Variants in CDH13 observed in about 807,000 individuals in gnomAD.
The protein encoded by CDH13 is cadherin 13.
Under a neutral mutation model 63.8 loss-of-function variants are expected in CDH13, and 24 were observed. That is an observed-to-expected ratio of 0.38 (90% CI 0.27 to 0.53). CDH13 has a LOEUF of 0.53. CDH13 is among the 20% of genes least tolerant of loss of function. The pLI is 0.85. For missense variants in CDH13, 1,049 were observed against 903.1 expected (o/e 1.16, Z -2.07); for synonymous variants, 503 against 355.3 (o/e 1.42, Z -4.67).
chr16:82,992,234 A>C (rs546386375), intron 2 of CDH13, among the ~76,000 whole-genome samples: 1 of 152,286 alleles, frequency 6.6e-6, no homozygotes, highest in African/African-American at 2.4e-5. Flanking sequence ...TATCTGTTTC[A>C]GTATCCTTAT....
chr16:83,057,061 G>C (rs2031020708), intron 3 of CDH13, among the ~76,000 whole-genome samples: 1 of 152,104 alleles, frequency 6.6e-6, no homozygotes, highest in South Asian at 2.1e-4. Flanking sequence ...CTGACTCCCT[G>C]GTTCAAGTGA....
chr16:82,785,355 C>G (rs1293477401), intron 1 of CDH13, among the ~76,000 whole-genome samples: 1 of 152,114 alleles, frequency 6.6e-6, no homozygotes, highest in Non-Finnish European at 1.5e-5. Flanking sequence ...AGTTTTATGG[C>G]CTTCTTGACT....
rs1377080752 is a variant in CDH13 at position 83,032,202 on chromosome 16, T to A, written c.350T>A (p.Ile117Asn). 1.9e-6 allele frequency: 3 copies of A among 1,613,308 alleles called. No homozygotes were observed. The highest frequency in any genetic ancestry group is 2.2e-5 in the East Asian group (1 of 44,820). ...CTCGTGATTGTCGGGGGGAAAGACA[T>A]CCAGGGCTCCTTGCAGGTAACACAT... ...AELVIVGGKD[I>N]QGSLQDIFKF... Residue 117 changes from isoleucine to asparagine, a missense_variant, in exon 3 of 14, where the codon ATC becomes AAC. By Grantham distance (149) the Ile-to-Asn change is moderately radical (BLOSUM62 -3). Coordinates refer to ENST00000567109, the MANE Select transcript of CDH13 (RefSeq NM_001257.5).
chr16:83,790,330 A>C (rs1916175489), intron 13 of CDH13: 1 of 152,238 alleles, frequency 6.6e-6, no homozygotes, highest in South Asian at 2.1e-4. Flanking sequence ...AAATAAAGGA[A>C]ATAAAACTAC....
intron 10 of CDH13, among the ~76,000 whole-genome samples, chr16:83,733,334 G>A (rs748075374): frequency 2.6e-5 from 4 of 152,180 alleles, no homozygotes; most frequent in Admixed American, 6.5e-5. Flanking sequence ...CTCTCCTTGT[G>A]AAACCCAGAT....
Position 83,549,252 on chromosome 16 carries a change from G to A in CDH13, c.961-53202G>A, listed in dbSNP as rs749447144. ...ACGGGAGCACCTGTGAGTTGGTTCCGAGAAAACATCCCACTCTCCAGGTCA... is the reference window on the plus strand; with the variant it reads ...ACGGGAGCACCTGTGAGTTGGTTCCAAGAAAACATCCCACTCTCCAGGTCA... On this transcript the variant is annotated intron_variant, in intron 7 of 13. Transcript: ENST00000567109. Among the ~76,000 whole-genome samples the A allele has an allele frequency of 1.6e-4, 24 of 152,260 alleles. 1 individual carries two copies. The highest frequency in any genetic ancestry group is 4.8e-4 in the African/African-American group (20 of 41,564).
At chr16:82,663,296 C>G (rs550657919) in intron 1 of CDH13, among the ~76,000 whole-genome samples, 37 of 152,332 alleles carry the variant, frequency 2.4e-4, no homozygotes, top group South Asian at 4.1e-4. Flanking sequence ...AAGCGATTCT[C>G]TTGCCTCAGC....
chr16:83,646,709 A>AC (rs1463737654), intron 8 of CDH13, among the ~76,000 whole-genome samples: 7 of 105,446 alleles, frequency 6.6e-5, no homozygotes, highest in East Asian at 4.7e-4. Context: ...AAAAAAAAAA[A>AC]AAAACACACA....
chr16:82,875,892 C>T lies in CDH13; in HGVS notation c.157+17419C>T, dbSNP rs376170940. Among the ~76,000 whole-genome samples, 384 of 152,260 alleles carry T rather than the reference C, an allele frequency of 2.5e-3. 1 individual carries two copies. Among genetic ancestry groups the T allele is most frequent in the African/African-American group, 8.6e-3 (356 of 41,526 alleles). On this transcript the variant is annotated intron_variant, in intron 2 of 13. Coordinates refer to ENST00000567109, the MANE Select transcript of CDH13 (RefSeq NM_001257.5). ...GACATACCCGAGACTGGGCAATTTA[C>T]AAAAGAAAGGTTTATTGGACTTACA...
chr16:83,561,704 G>T (rs989889186), intron 7 of CDH13, among the ~76,000 whole-genome samples: 3 of 152,164 alleles, frequency 2.0e-5, no homozygotes, highest in African/African-American at 4.8e-5. Flanking sequence ...AGGTGATGAT[G>T]AATTTTGAGA....
intron 2 of CDH13, among the ~76,000 whole-genome samples, chr16:82,959,337 G>T (rs1175881456): frequency 6.6e-6 from 1 of 152,156 alleles, no homozygotes; most frequent in Non-Finnish European, 1.5e-5. Flanking sequence ...AGGGGAGGGG[G>T]CTGGCAAATG....
At chr16:83,065,299 G>A (rs2031912615) in intron 3 of CDH13, among the ~76,000 whole-genome samples, 1 of 152,178 alleles carries the variant, frequency 6.6e-6, no homozygotes, top group South Asian at 2.1e-4. Context: ...GCACAGGTAG[G>A]AAAAGCCTTA....
intron 13 of CDH13, among the ~76,000 whole-genome samples, chr16:83,790,851 A>G (rs900783283): frequency 3.9e-5 from 6 of 152,244 alleles, no homozygotes; most frequent in Admixed American, 1.3e-4. Flanking sequence ...GCAAGTCTCA[A>G]AAAAAGAACT....
At chr16:83,381,196 T>C (rs569176877) in intron 6 of CDH13, among the ~76,000 whole-genome samples, 2 of 152,276 alleles carry the variant, frequency 1.3e-5, no homozygotes, top group African/African-American at 2.4e-5. Flanking sequence ...TTAGCAAATG[T>C]ACCTTTTTCT....
At position 83,720,614 on chromosome 16, in the gene CDH13, A is replaced by T. The variant is rs532402678; in HGVS notation, c.1539-27494A>T. Among the ~76,000 whole-genome samples the T allele has an allele frequency of 2.0e-5, 3 of 152,252 alleles. No individual in the cohort carries two copies. In the South Asian group the frequency reaches 6.2e-4, roughly 32 times the overall value. ...AAAAAGACACAAGGGGAGCCCAGAAATGAAACAGCCAATGTATCATTTCAG... is the reference window on the plus strand; with the variant it reads ...AAAAAGACACAAGGGGAGCCCAGAATTGAAACAGCCAATGTATCATTTCAG... On this transcript the variant is annotated intron_variant, in intron 10 of 13. Transcript: ENST00000567109.
At chr16:83,316,455 T>C (rs1357477894) in intron 5 of CDH13, among the ~76,000 whole-genome samples, 1 of 152,174 alleles carries the variant, frequency 6.6e-6, no homozygotes, top group African/African-American at 2.4e-5. Flanking sequence ...AGACAGTCAG[T>C]GCTACCGCTA....
chr16:83,770,775 T>A (rs1914706363), intron 11 of CDH13, among the ~76,000 whole-genome samples: 1 of 152,200 alleles, frequency 6.6e-6, no homozygotes, highest in Admixed American at 6.5e-5. Context: ...GTCACCCTTG[T>A]CACCATGTTG....
At chr16:82,676,471 G>A (rs981478849) in intron 1 of CDH13, among the ~76,000 whole-genome samples, 5 of 145,878 alleles carry the variant, frequency 3.4e-5, no homozygotes, top group African/African-American at 5.1e-5. Flanking sequence ...ATCCTAATCT[G>A]AGCTACCATC....
chr16:83,435,140 C>T (rs2072256037), intron 6 of CDH13, among the ~76,000 whole-genome samples: 1 of 151,726 alleles, frequency 6.6e-6, no homozygotes, highest in Admixed American at 6.6e-5. Context: ...TCCACCTCCC[C>T]AGTTCAAGTG....
Sources: gnomAD v4.1 joint callset for allele counts (sites outside exome capture counted in the v4.1 genomes callset) on GRCh38, gnomAD v4.1.1 for gene constraint, MANE v1.5 for transcripts, NCBI Gene and HGNC (gene_info 2026-07-23, HGNC 2026-07-21) for gene names.